The following PCDHA4 variants were observed in gnomAD, a reference collection of about 807,000 sequenced individuals.
PCDHA4 encodes protocadherin alpha-4.
A neutral mutation model predicts 61.4 loss-of-function variants in PCDHA4; 49 were observed. The ratio of observed to expected loss-of-function variants is 0.80; its 90% CI spans 0.63 to 1.01. The LOEUF (loss-of-function observed/expected upper bound fraction) is 1.01. PCDHA4 is among the 50% of genes least tolerant of loss of function. The pLI is 0.00. For missense variants in PCDHA4, 1,254 were observed against 1,235.8 expected (o/e 1.01, Z -0.22); for synonymous variants, 590 against 550.3 (o/e 1.07, Z -1.01).
chr5:140,817,252 T>A (rs1766096602), intron 1 of PCDHA4: 1 of 152,374 alleles, frequency 6.6e-6, no homozygotes, highest in African/African-American at 2.4e-5. Context: ...GAGCTGGGAA[T>A]TTCCCCCTGT....
intron 1 of PCDHA4, chr5:140,877,927 A>G: frequency 7.1e-7 from 1 of 1,416,192 alleles, no homozygotes; most frequent in South Asian, 1.6e-5. Flanking sequence ...TTTCTTTATG[A>G]TTCTATCCTT....
At chr5:140,849,015 C>T (rs2040740928) in intron 1 of PCDHA4, 1 of 1,588,546 alleles carries the variant, frequency 6.3e-7, no homozygotes, top group Admixed American at 1.7e-5. Flanking sequence ...CAGACTGAGC[C>T]CCAATGAGTA....
At chr5:140,948,292 A>G (rs1174586168) in intron 1 of PCDHA4, among the ~76,000 whole-genome samples, 1 of 151,576 alleles carries the variant, frequency 6.6e-6, no homozygotes, top group Non-Finnish European at 1.5e-5. Flanking sequence ...AATTTTGTAA[A>G]GAATATCTTT....
At chr5:140,914,596 C>G (rs1454753124) in intron 1 of PCDHA4, among the ~76,000 whole-genome samples, 1 of 152,128 alleles carries the variant, frequency 6.6e-6, no homozygotes, top group Non-Finnish European at 1.5e-5. Context: ...TAAGTAGGAA[C>G]TTCCTCCTGC....
chr5:140,845,542 A>G (rs927156983), intron 1 of PCDHA4, among the ~76,000 whole-genome samples: 3 of 149,498 alleles, frequency 2.0e-5, no homozygotes, highest in African/African-American at 7.3e-5. Flanking sequence ...TATTCTAATT[A>G]TGGTGATGCT....
chr5:140,940,643 T>A (rs2092660320), intron 1 of PCDHA4, among the ~76,000 whole-genome samples: 1 of 152,226 alleles, frequency 6.6e-6, no homozygotes, highest in Non-Finnish European at 1.5e-5. Flanking sequence ...TGTCATTTAT[T>A]TATTTAAATA....
chr5:140,868,044 A>G (rs1224087993), intron 1 of PCDHA4: 1 of 152,140 alleles, frequency 6.6e-6, no homozygotes, highest in Non-Finnish European at 1.5e-5. Flanking sequence ...TGGAAATACC[A>G]ATATGGCACA....
intron 1 of PCDHA4, chr5:140,858,795 C>A: frequency 2.6e-6 from 1 of 379,570 alleles, no homozygotes; most frequent in Non-Finnish European, 4.8e-6. Context: ...ATTTCATTTC[C>A]AATCTAAATT....
At chr5:140,885,738 C>T (rs1160742683) in intron 1 of PCDHA4, among the ~76,000 whole-genome samples, 5 of 151,978 alleles carry the variant, frequency 3.3e-5, no homozygotes, top group African/African-American at 1.2e-4. Flanking sequence ...TGATATTTCA[C>T]TGTTACTTTA....
intron 1 of PCDHA4, chr5:140,822,433 GAACT>G (rs2150116346): frequency 1.9e-5 from 31 of 1,613,932 alleles, no homozygotes; most frequent in South Asian, 5.5e-5. Flanking sequence ...AGGAAAACCC[GAACT>G]AACAGGTACA....
chr5:140,989,563 C>A (rs1399360475), intron 3 of PCDHA4, among the ~76,000 whole-genome samples: 1 of 152,118 alleles, frequency 6.6e-6, no homozygotes, highest in Non-Finnish European at 1.5e-5. Flanking sequence ...TTTTGTGGCT[C>A]CGGCAAGCCC....
chr5:140,821,338 G>T (rs2150060866), intron 1 of PCDHA4, among the ~76,000 whole-genome samples: 1 of 152,110 alleles, frequency 6.6e-6, no homozygotes, highest in East Asian at 1.9e-4. Context: ...TAAGGATTGG[G>T]GTTTCATGAC....
intron 1 of PCDHA4, chr5:140,836,833 A>G (rs2150270629): frequency 1.5e-5 from 13 of 887,974 alleles, no homozygotes; most frequent in Non-Finnish European, 2.2e-5. Flanking sequence ...TTTAGTTGAT[A>G]GCTTTATGTA....
chr5:140,837,640 T>C (rs1438744422), intron 1 of PCDHA4, among the ~76,000 whole-genome samples: 1 of 151,670 alleles, frequency 6.6e-6, no homozygotes, highest in Non-Finnish European at 1.5e-5. Flanking sequence ...TTCCTTTCTT[T>C]CTTTCTTTCT....
chr5:140,834,321 A>T (rs1412819527), intron 1 of PCDHA4: 1 of 1,440,210 alleles, frequency 6.9e-7, no homozygotes, highest in Non-Finnish European at 9.4e-7. Context: ...TGAAGGGATA[A>T]AAACATTCCT....
chr5:140,968,373 C>T (rs1554230649), intron 1 of PCDHA4: 1 of 1,614,034 alleles, frequency 6.2e-7, no homozygotes, highest in African/African-American at 1.3e-5. Context: ...GCTGTCAACT[C>T]CTTTGACTAT....
chr5:140,825,145 T>A (rs1768461480), intron 1 of PCDHA4: 2 of 151,846 alleles, frequency 1.3e-5, no homozygotes, highest in African/African-American at 4.8e-5. Flanking sequence ...ATATGAGTAT[T>A]GATTTTAATC....
chr5:140,856,991 T>A, intron 1 of PCDHA4: 1 of 1,595,770 alleles, frequency 6.3e-7, no homozygotes, highest in Non-Finnish European at 8.6e-7. Flanking sequence ...CAGTAACACT[T>A]ATGAAATTCA....
At chr5:140,895,730 A>G (rs781978402) in intron 1 of PCDHA4, among the ~76,000 whole-genome samples, 4 of 152,280 alleles carry the variant, frequency 2.6e-5, no homozygotes, top group Middle Eastern at 3.4e-3. Flanking sequence ...CCTCCATTCA[A>G]TGGGCTGCAA....
Sources: allele counts gnomAD v4.1 joint callset (sites outside exome capture counted in the v4.1 genomes callset), GRCh38; gene constraint gnomAD v4.1.1; transcripts MANE v1.5; gene names NCBI Gene and HGNC (gene_info 2026-07-23, HGNC 2026-07-21).